Variants in CLEC1B observed in about 807,000 individuals in gnomAD.
CLEC1B encodes C-type lectin-like receptor 2.
CLEC1B carries 26 observed loss-of-function variants against 26.7 expected under a neutral mutation model. The ratio of observed to expected loss-of-function variants is 0.97; its 90% confidence interval spans 0.71 to 1.35. The LOEUF is 1.35. Ranked by LOEUF, CLEC1B falls within the 40% of genes most tolerant of loss-of-function variation. CLEC1B has a pLI of 0.00. For missense variants in CLEC1B, 293 were observed against 282.6 expected, an observed-to-expected ratio of 1.04 and a Z score of -0.26; for synonymous variants, 112 against 96.0, an observed-to-expected ratio of 1.17 and a Z score of -0.97.
At chr12:9,998,217 G>T in intron 2 of CLEC1B, 65 bp downstream of exon 2, 1 of 1,197,236 alleles carries the variant, frequency 8.4e-7, no homozygotes, top group Non-Finnish European at 1.2e-6. Flanking sequence ...AAGCTTAGTG[G>T]GATATGCCAT....
In CLEC1B at chr12:9,993,172, C is replaced by T. The variant is rs747805854; in HGVS notation, c.661G>A (p.Gly221Ser). 3.7e-6 allele frequency: 6 copies of T among 1,611,730 alleles called. No homozygotes were observed. The highest frequency in any genetic ancestry group is 5.1e-6 in the Non-Finnish European group (6 of 1,178,870). ...KHYLMCERKA[G>S]MTKVDQLP ...GGTAGTTGGTCCACCTTGGTCATGCCAGCCTTCCTCTCACACATTAAATAA... is the reference window on the plus strand; with the variant it reads ...GGTAGTTGGTCCACCTTGGTCATGCTAGCCTTCCTCTCACACATTAAATAA... Residue 221 changes from glycine to serine, a missense_variant, in exon 6 of 6, where the codon GGC becomes AGC. Gly to Ser is a moderately conservative substitution (Grantham distance 56). Coordinates refer to ENST00000298527, the MANE Select transcript of CLEC1B (RefSeq NM_016509.4).
chr12:9,995,051 C>T (rs1318959527), intron 5 of CLEC1B, 89 bp downstream of exon 5: 1 of 1,591,178 alleles, frequency 6.3e-7, no homozygotes, highest in East Asian at 2.3e-5. Context: ...TTCTATAACC[C>T]ATAGTAGTGA....
At chr12:9,996,686 A>G in intron 4 of CLEC1B, 160 bp downstream of exon 4, 1 of 758,378 alleles carries the variant, frequency 1.3e-6, no homozygotes, top group Non-Finnish European at 2.3e-6. Flanking sequence ...AGTGGATTGA[A>G]TATCTGGGTT....
upstream of CLEC1B, among the ~76,000 whole-genome samples, chr12:9,999,530 T>C (rs1209186746): frequency 6.6e-6 from 1 of 152,228 alleles, no homozygotes; most frequent in African/African-American, 2.4e-5. Context: ...CACCAGCAGA[T>C]ATATAGTTTA....
intron 4 of CLEC1B, chr12:9,995,611 G>GAGCT: frequency 3.0e-6 from 1 of 337,126 alleles, no homozygotes; most frequent in South Asian, 2.4e-5. Flanking sequence ...CATTGTTGAT[G>GAGCT]AGCTGTATAT....
At position 9,997,357 on chromosome 12, in the gene CLEC1B, A is replaced by G. The variant is rs553040178; in HGVS notation, c.164-78T>C. On this transcript the variant is annotated intron_variant, in intron 2 of 5. Transcript: ENST00000298527. ...TGCAAAGGTCTGTCATTGAATTTTC[A>G]TTTCCTTAACTTTGCCAATATATGA... is the stretch of plus-strand genomic sequence containing the variant. 12 of 1,363,542 alleles carry G rather than the reference A, an allele frequency of 8.8e-6. No individual in the cohort carries two copies. In the East Asian group the frequency reaches 2.7e-4, roughly 31 times the overall value. 84.5% of individuals were successfully genotyped at this position (1,363,542 alleles called of 1,614,324 possible).
rs1329924344 is a variant in CLEC1B at position 9,996,917 on chromosome 12, A to G, written c.367T>C (p.Trp123Arg). Reference sequence around the variant, plus strand: ...GTGCAGTACTGCTTACTCTCTTCCCATGTTAAGTTGTGCCTGAAGAACCCA... The same window carrying G: ...GTGCAGTACTGCTTACTCTCTTCCCGTGTTAAGTTGTGCCTGAAGAACCCA... The part of the protein sequence containing the change: ...CYGFFRHNLT[W>R]EESKQYCTDM... The change falls in exon 4 of 6, where the codon TGG becomes CGG. Residue 123 changes from tryptophan (W) to arginine (R), a missense_variant. Transcript: ENST00000298527. The G allele has an allele frequency of 1.9e-6, 3 of 1,613,966 alleles. No homozygotes were observed. Among genetic ancestry groups the G allele is most frequent in the African/African-American group, 1.3e-5 (1 of 75,008 alleles).
At chr12:9,997,367 C>A in intron 2 of CLEC1B, 88 bp from the exon 3 acceptor site, 1 of 1,256,600 alleles carries the variant, frequency 8.0e-7, no homozygotes, top group Non-Finnish European at 1.1e-6. Context: ...ATTTCCTTAA[C>A]TTTGCCAATA....
In CLEC1B at chr12:9,999,119, A is replaced by T; in HGVS notation, c.-19T>A. 1 of 1,575,010 alleles carries T rather than the reference A, an allele frequency of 6.3e-7. No homozygotes were observed. Among genetic ancestry groups the T allele is most frequent in the Non-Finnish European group, 8.7e-7 (1 of 1,151,490 alleles). ...CCTGCATGGCTTCCCGAGTACTGCA[A>T]CTGAGCTCAGAGTTCAATGACTTTG... On this transcript the variant is annotated 5_prime_UTR_variant, in exon 1 of 6. The change creates a new upstream start codon in the 5' untranslated region. Coordinates refer to ENST00000298527, the MANE Select transcript of CLEC1B (RefSeq NM_016509.4).
chr12:9,998,025 C>T (rs1865093494), intron 2 of CLEC1B, among the ~76,000 whole-genome samples: 3 of 152,158 alleles, frequency 2.0e-5, no homozygotes, highest in Admixed American at 2.0e-4. Context: ...TTTGGATCCA[C>T]ACTGAGGAGG....
At chr12:9,997,845 G>C (rs476564) in intron 2 of CLEC1B, among the ~76,000 whole-genome samples, 1 of 151,874 alleles carries the variant, frequency 6.6e-6, no homozygotes, top group Non-Finnish European at 1.5e-5. Context: ...GAAATGCACA[G>C]TAACTTAGTA....
intron 4 of CLEC1B, 199 bp from the exon 5 acceptor site, chr12:9,995,445 T>C (rs1865018813): frequency 1.9e-6 from 1 of 535,972 alleles, no homozygotes; most frequent in South Asian, 1.8e-5. Flanking sequence ...AGGACACAGG[T>C]AAAATTGTAC....
chr12:9,994,247 T>C (rs1162188185), intron 5 of CLEC1B, among the ~76,000 whole-genome samples: 2 of 151,986 alleles, frequency 1.3e-5, no homozygotes, highest in Non-Finnish European at 1.5e-5. Flanking sequence ...ACGAGTTTGA[T>C]TTGTTGGAAG....
chr12:9,993,301 G>T lies in CLEC1B; in HGVS notation c.546-14C>A. ...AAAAACTCAAACCTGTGAAGGGAAA[G>T]TTAGAATAAATTCCTTTGAAAACTG... On this transcript the variant is annotated splice_polypyrimidine_tract_variant and intron_variant, in intron 5 of 5. Transcript: ENST00000298527. The T allele has an allele frequency of 1.3e-6, 2 of 1,542,742 alleles. No individual in the cohort carries two copies. Among genetic ancestry groups the T allele is most frequent in the Non-Finnish European group, 1.8e-6 (2 of 1,132,734 alleles).
chr12:9,993,178 T>C lies in CLEC1B; in HGVS notation c.655A>G (p.Lys219Glu), dbSNP rs1177052607. Residue 219 changes from lysine to glutamate, a missense_variant, in exon 6 of 6, where the codon AAG becomes GAG. Lys to Glu is a moderately conservative substitution (Grantham distance 56). Transcript: ENST00000298527. Reference protein sequence around the residue: ...ENKHYLMCERKAGMTKVDQLP With the variant: ...ENKHYLMCEREAGMTKVDQLP ...TGGTCCACCTTGGTCATGCCAGCCT[T>C]CCTCTCACACATTAAATAATGTTTG... 4 of 1,612,056 alleles carry C rather than the reference T, an allele frequency of 2.5e-6. No homozygotes were observed. The highest frequency in any genetic ancestry group is 1.3e-5 in the African/African-American group (1 of 74,958).
chr12:9,996,404 C>T (rs1435554479), intron 4 of CLEC1B, among the ~76,000 whole-genome samples: 1 of 152,184 alleles, frequency 6.6e-6, no homozygotes, highest in East Asian at 1.9e-4. Context: ...TCGAATTAAT[C>T]TCTATATAAT....
chr12:9,995,153 T>C lies in CLEC1B; in HGVS notation c.532A>G (p.Ile178Val), dbSNP rs1451544488. 1 of 1,612,730 alleles carries C rather than the reference T, an allele frequency of 6.2e-7. No individual in the cohort carries two copies. Reference protein sequence around the residue: ...EVWKWEDGSVISENMFEFLED... With the variant: ...EVWKWEDGSVVSENMFEFLED... ...CCAGTGACTTACATATTTTCTGAGATAACCGAGCCATCCTCCCACTTCCAG... is the reference window on the plus strand; with the variant it reads ...CCAGTGACTTACATATTTTCTGAGACAACCGAGCCATCCTCCCACTTCCAG... The change falls in exon 5 of 6, where the codon ATC becomes GTC. Residue 178 changes from isoleucine (I) to valine (V), a missense_variant. Ile to Val is a conservative substitution (Grantham distance 29). Transcript: ENST00000298527.
chr12:9,994,319 G>A (rs1049182502), intron 5 of CLEC1B, among the ~76,000 whole-genome samples: 1 of 152,126 alleles, frequency 6.6e-6, no homozygotes, highest in African/African-American at 2.4e-5. Context: ...ATAGGAGATA[G>A]GAGATAAAGC....
At position 9,997,267 on chromosome 12, in the gene CLEC1B, C is replaced by A. The variant is rs751872895; in HGVS notation, c.176G>T (p.Arg59Leu). ...TTCATTCTCACCTTGTAGGTAATTG[C>A]GCTGCATGACAGCTAGGTTTAAAAA... is the stretch of plus-strand genomic sequence containing the variant. Reference protein sequence around the residue: ...VALGIWSVMQRNYLQGENENR... With the variant: ...VALGIWSVMQLNYLQGENENR... The change falls in exon 3 of 6, where the codon CGC (arginine) becomes CTC (leucine). Residue 59 changes from arginine to leucine, a missense_variant. Physicochemically the swap from Arg to Leu is moderately radical, Grantham distance 102 (BLOSUM62 -2). Transcript: ENST00000298527. 1 of 1,610,764 alleles carries A rather than the reference C, an allele frequency of 6.2e-7. No homozygotes were observed. The highest frequency in any genetic ancestry group is 8.5e-7 in the Non-Finnish European group (1 of 1,177,792).
Sources: allele counts gnomAD v4.1 joint callset (sites outside exome capture counted in the v4.1 genomes callset), GRCh38; gene constraint gnomAD v4.1.1; transcripts MANE v1.5; gene names NCBI Gene and HGNC (gene_info 2026-07-23, HGNC 2026-07-21).